Variants in MRPL12 observed in about 807,000 individuals in gnomAD.
MRPL12 encodes large ribosomal subunit protein bL12m.
In MRPL12, 13 loss-of-function variants were observed where a neutral mutation model predicts 21.1. The ratio of observed to expected loss-of-function variants is 0.62; its 90% CI spans 0.40 to 0.98. The LOEUF is 0.98. Ranked by LOEUF, MRPL12 falls within the 50% of genes least tolerant of loss-of-function variation. The pLI is 0.00. For missense variants in MRPL12, 251 were observed against 268.6 expected, an observed-to-expected ratio of 0.93 and a Z score of 0.46; for synonymous variants, 126 against 115.3, an observed-to-expected ratio of 1.09 and a Z score of -0.60.
At chr17:81,703,908 G>A (rs189579242) in intron 1 of MRPL12, among the ~76,000 whole-genome samples, 32 of 152,354 alleles carry the variant, frequency 2.1e-4, no homozygotes, top group African/African-American at 6.3e-4. Context: ...CTTTGCGCAG[G>A]AAGATGCACC....
Position 81,707,279 on chromosome 17 carries a change from C to G in MRPL12, c.*39C>G. The G allele has an allele frequency of 6.6e-7, 1 of 1,522,568 alleles. No homozygotes were observed. Among genetic ancestry groups the G allele is most frequent in the Middle Eastern group, 2.2e-4 (1 of 4,548 alleles). The allele number at this position is 1,522,568 out of a possible 1,614,324, so 94.3% of individuals were successfully genotyped here. A position where few individuals can be genotyped will look rare whatever the true frequency, so the allele number is the denominator to read the frequency against. On this transcript the variant is annotated 3_prime_UTR_variant, in exon 5 of 5. Transcript: ENST00000333676. ...GGACTTGTGTTCAGGGGTCCTGGGC[C>G]CCGGGCGAGGTCCCGCCCTCCCGTG...
Position 81,706,961 on chromosome 17 carries a change from T to C in MRPL12, c.401T>C (p.Leu134Pro). 1.2e-6 allele frequency: 2 copies of C among 1,614,134 alleles called. No individual in the cohort carries two copies. The highest frequency in any genetic ancestry group is 1.7e-6 in the Non-Finnish European group (2 of 1,180,042). Residue 134 changes from leucine to proline, a missense_variant, in exon 4 of 5, where the codon CTG becomes CCG. Physicochemically the swap from Leu to Pro is moderately conservative, Grantham distance 98 (BLOSUM62 -3). Coordinates refer to ENST00000333676, the MANE Select transcript of MRPL12 (RefSeq NM_002949.4). ...GAACGGACACATTTCACCGTCCGCC[T>C]GACCGAGGCGAAGCCCGTGGACAAA... Reference protein sequence around the residue: ...AKERTHFTVRLTEAKPVDKVK... With the variant: ...AKERTHFTVRPTEAKPVDKVK...
intron 3 of MRPL12, among the ~76,000 whole-genome samples, chr17:81,705,054 G>A (rs2037300078): frequency 6.6e-6 from 1 of 150,774 alleles, no homozygotes; most frequent in Admixed American, 6.6e-5. Context: ...GGCCAACATG[G>A]TAAAACCCCG....
chr17:81,707,461 G>A lies in MRPL12; in HGVS notation c.*221G>A, dbSNP rs959835736. ...ACGGCACCCGGAGGCCCACCAGGAC[G>A]CGCCACCGGTGAATGTGCCTCTGGT... On this transcript the variant is annotated 3_prime_UTR_variant, in exon 5 of 5. Transcript: ENST00000333676. 1.7e-5 allele frequency: 9 copies of A among 544,558 alleles called. No homozygotes were observed. The highest frequency in any genetic ancestry group is 4.9e-4 in the Middle Eastern group (1 of 2,030). The allele number at this position is 544,558 out of a possible 1,614,324, so 33.7% of individuals were successfully genotyped here.
In MRPL12 at chr17:81,704,697, C is replaced by T. The variant is rs372178215; in HGVS notation, c.326C>T (p.Pro109Leu). The part of the protein sequence containing the change: ...PMGGVMSGAV[P>L]AAAAQEAVEE... Reference sequence around the variant, plus strand: ...GGTGGTGTGATGTCTGGGGCTGTCCCTGCTGCAGCAGCCCAGGAGGTGAGT... The same window carrying T: ...GGTGGTGTGATGTCTGGGGCTGTCCTTGCTGCAGCAGCCCAGGAGGTGAGT... Residue 109 changes from proline (P) to leucine (L), a missense_variant, in exon 3 of 5, where the codon CCT becomes CTT. By Grantham distance (98) the Pro-to-Leu change is moderately conservative. Coordinates refer to ENST00000333676, the MANE Select transcript of MRPL12 (RefSeq NM_002949.4). 8.1e-6 allele frequency: 13 copies of T among 1,613,504 alleles called. No homozygotes were observed. Among genetic ancestry groups the T allele is most frequent in the Non-Finnish European group, 1.1e-5 (13 of 1,179,740 alleles).
rs1288099843 is a variant in MRPL12 at position 81,704,569 on chromosome 17, C to T, written c.262-64C>T. On this transcript the variant is annotated intron_variant, in intron 2 of 4. Coordinates refer to ENST00000333676, the MANE Select transcript of MRPL12 (RefSeq NM_002949.4). ...GCAAGGTCCATGCCAGGCTAGTTGC[C>T]CCTCCTCAGTAGGTTCCGGCTGGTG... 3.1e-6 allele frequency: 5 copies of T among 1,590,462 alleles called. No individual in the cohort carries two copies. In the Admixed American group the frequency reaches 6.7e-5, roughly 21 times the overall value.
chr17:81,706,856 C>T (rs1457249878), intron 3 of MRPL12, 50 bp from the exon 4 acceptor site: 4 of 1,599,158 alleles, frequency 2.5e-6, no homozygotes, highest in East Asian at 2.2e-5. Context: ...GAGGCGTTAG[C>T]TCCCCCCAGC....
chr17:81,705,349 C>A, intron 3 of MRPL12, among the ~76,000 whole-genome samples: 1 of 133,592 alleles, frequency 7.5e-6, no homozygotes. Flanking sequence ...CAAGATCATA[C>A]TACTGCCTTC....
chr17:81,706,210 TTTCTAAGCGAGAGGGGAG>T (rs2037312819), intron 3 of MRPL12, among the ~76,000 whole-genome samples: 1 of 152,208 alleles, frequency 6.6e-6, no homozygotes, highest in African/African-American at 2.4e-5. Flanking sequence ...TAAGTTACGC[TTTCTAAGCGAGAGGGGAG>T]TAGAGTATTG....
intron 3 of MRPL12, among the ~76,000 whole-genome samples, chr17:81,705,998 C>T (rs1214631947): frequency 6.6e-6 from 1 of 152,238 alleles, no homozygotes; most frequent in Non-Finnish European, 1.5e-5. Flanking sequence ...TTATTAATAG[C>T]CTTCCCAGGC....
Position 81,704,352 on chromosome 17 carries a change from C to G in MRPL12, c.183C>G (p.Pro61=). 1 of 1,613,706 alleles carries G rather than the reference C, an allele frequency of 6.2e-7. No individual in the cohort carries two copies. The highest frequency in any genetic ancestry group is 1.1e-5 in the South Asian group (1 of 91,074). ...APLDNAPKEY[P]PKIQQLVQDI... ...TGGATAACGCCCCCAAGGAGTACCC[C>G]CCCAAGATACAGCAGCTGGTCCAGG... The change falls in exon 2 of 5, where the codon CCC becomes CCG. Residue 61 remains proline, a synonymous_variant. Transcript: ENST00000333676.
rs777216027 is a variant in MRPL12 at position 81,704,230 on chromosome 17, G to A, written c.75-14G>A. 19 of 1,585,848 alleles carry A rather than the reference G, an allele frequency of 1.2e-5. No individual in the cohort carries two copies. In the African/African-American group the frequency reaches 2.0e-4, roughly 17 times the overall value. ...AGGACTGACAAGTCTGTTTTAATTG[G>A]GGGTGGGGGCTAGGCGACAGGTGCC... On this transcript the variant is annotated splice_polypyrimidine_tract_variant and intron_variant, in intron 1 of 4. Coordinates refer to ENST00000333676, the MANE Select transcript of MRPL12 (RefSeq NM_002949.4).
Position 81,707,322 on chromosome 17 carries a change from C to G in MRPL12, c.*82C>G. 2 of 1,321,222 alleles carry G rather than the reference C, an allele frequency of 1.5e-6. No individual in the cohort carries two copies. The highest frequency in any genetic ancestry group is 2.1e-6 in the Non-Finnish European group (2 of 964,880). 81.8% of individuals were successfully genotyped at this position (1,321,222 alleles called of 1,614,324 possible). On this transcript the variant is annotated 3_prime_UTR_variant, in exon 5 of 5. Transcript: ENST00000333676. ...CTCCCGTGGTCACTGGCTCCGCCCC[C>G]AGCACCAGGCGCCCAGTGGAGCCGT...
At position 81,706,785 on chromosome 17, in the gene MRPL12, C is replaced by G. The variant is rs931783016; in HGVS notation, c.346-121C>G. Reference sequence around the variant, plus strand: ...GGGAGACGTGACTTCCAACTCCAGGCTTCGCTGGGGCCTCCGCTGCACCTC... The same window carrying G: ...GGGAGACGTGACTTCCAACTCCAGGGTTCGCTGGGGCCTCCGCTGCACCTC... On this transcript the variant is annotated intron_variant, in intron 3 of 4. Transcript: ENST00000333676. 1.6e-5 allele frequency: 20 copies of G among 1,223,538 alleles called. No homozygotes were observed. The African/African-American group carries it at 2.3e-4, about 14-fold the overall frequency. 75.8% of individuals were successfully genotyped at this position (1,223,538 alleles called of 1,614,324 possible). A position where few individuals can be genotyped will look rare whatever the true frequency, so the allele number is the denominator to read the frequency against.
intron 2 of MRPL12, 91 bp from the exon 3 acceptor site, chr17:81,704,542 G>C: frequency 6.3e-7 from 1 of 1,576,392 alleles, no homozygotes; most frequent in South Asian, 1.1e-5. Flanking sequence ...GTTTGTCCAG[G>C]TGCAAGGTCC....
Position 81,707,058 on chromosome 17 carries a change from G to A in MRPL12, c.480+18G>A. Reference sequence around the variant, plus strand: ...TCGTCCAGGTCTGTGCCGCGGTGGGGGTTCCGAGGCAGGTTCCGTTGTGGT... The same window carrying A: ...TCGTCCAGGTCTGTGCCGCGGTGGGAGTTCCGAGGCAGGTTCCGTTGTGGT... On this transcript the variant is annotated intron_variant, in intron 4 of 4. Transcript: ENST00000333676. The A allele has an allele frequency of 1.2e-6, 2 of 1,614,000 alleles. No individual in the cohort carries two copies. Among genetic ancestry groups the A allele is most frequent in the African/African-American group, 1.3e-5 (1 of 75,074 alleles).
At chr17:81,704,796 G>A (rs913579165) in intron 3 of MRPL12, 80 bp downstream of exon 3, 34 of 1,220,064 alleles carry the variant, frequency 2.8e-5, no homozygotes, top group Non-Finnish European at 2.8e-5. Context: ...CGTATCTCAG[G>A]TTCTGCAGCT....
rs543543326 is a variant in MRPL12, at chr17:81,706,837, C to T, written c.346-69C>T. The T allele has an allele frequency of 9.6e-4, 1,506 of 1,572,136 alleles. 3 individuals carry two copies. In the Middle Eastern group the frequency reaches 0.016, roughly 17 times the overall value. On this transcript the variant is annotated intron_variant, in intron 3 of 4. Transcript: ENST00000333676. ...CTTTGGGGCTTTAGACTGGGGTGGC[C>T]CAGCAGTGGAGGCGTTAGCTCCCCC...
chr17:81,705,438 C>G (rs1468782930), intron 3 of MRPL12, among the ~76,000 whole-genome samples: 6 of 146,638 alleles, frequency 4.1e-5, no homozygotes, highest in Non-Finnish European at 7.5e-5. Flanking sequence ...AGAAATTATA[C>G]CAAATAGAAC....
Sources: allele counts gnomAD v4.1 joint callset (sites outside exome capture counted in the v4.1 genomes callset), GRCh38; gene constraint gnomAD v4.1.1; transcripts MANE v1.5; gene names NCBI Gene and HGNC (gene_info 2026-07-23, HGNC 2026-07-21).